Variants in ANKRD6 observed in about 807,000 individuals in gnomAD.
ANKRD6 encodes the protein ankyrin repeat domain-containing protein 6.
ANKRD6 carries 56 observed loss-of-function variants against 82.3 expected under a neutral mutation model. The ratio of observed to expected loss-of-function variants is 0.68; its 90% CI spans 0.55 to 0.85. ANKRD6 has a LOEUF of 0.85. Ranked by LOEUF, ANKRD6 falls within the 40% of genes least tolerant of loss-of-function variation. The probability of loss-of-function intolerance (pLI) is 0.00; values close to 1 mark genes in which losing one functional copy is unlikely to be tolerated. For synonymous variants in ANKRD6, 347 were observed against 352.1 expected (o/e 0.99, Z 0.16); for missense variants, 852 against 907.6 (o/e 0.94, Z 0.79).
chr6:89,494,881 A>C lies in ANKRD6; in HGVS notation c.-144+61506A>C, dbSNP rs541499580. On this transcript the variant is annotated intron_variant, in intron 1 of 15. Transcript: ENST00000339746. Reference sequence around the variant, plus strand: ...CAGAGAGAATTTTAGATCAGTCACTATGTGGGAAGAATAAATTGATTACTG... The same window carrying C: ...CAGAGAGAATTTTAGATCAGTCACTCTGTGGGAAGAATAAATTGATTACTG... Among the ~76,000 whole-genome samples the C allele has an allele frequency of 1.0e-3, 157 of 152,338 alleles. 2 individuals are homozygous for C. The South Asian group carries it at 0.031, about 30-fold the overall frequency.
At chr6:89,627,111 C>CT (rs58369165) in intron 13 of ANKRD6, among the ~76,000 whole-genome samples, 21,638 of 144,540 alleles carry the variant, frequency 0.15, 1,724 homozygotes, top group South Asian at 0.19. Flanking sequence ...GTCTCTCTCT[C>CT]TTTTTTTTTT....
At position 89,447,854 on chromosome 6, in the gene ANKRD6, A is replaced by ATTTTTTTTT. The variant is rs530068070; in HGVS notation, c.-144+14482_-144+14490dup. Reference sequence around the variant, plus strand: ...AGGCATGTGCCACCACGCCCAGCTAATTTTTTTTTTTCAGTAGAGATGGGG... The same window carrying ATTTTTTTTT: ...AGGCATGTGCCACCACGCCCAGCTAATTTTTTTTTTTTTTTTTTTTCAGTAGAGATGGGG... On this transcript the variant is annotated intron_variant, in intron 1 of 15. Coordinates refer to ENST00000339746, the MANE Select transcript of ANKRD6 (RefSeq NM_001242809.2). Among the ~76,000 whole-genome samples the ATTTTTTTTT allele has an allele frequency of 6.7e-3, 795 of 119,004 alleles. 38 individuals are homozygous for ATTTTTTTTT. The highest frequency in any genetic ancestry group is 0.025 in the African/African-American group (728 of 28,752). 78.1% of individuals were successfully genotyped at this position (119,004 alleles called of 152,430 possible).
intron 1 of ANKRD6, among the ~76,000 whole-genome samples, chr6:89,545,249 T>C (rs1446813779): frequency 6.6e-6 from 1 of 151,666 alleles, no homozygotes; most frequent in African/African-American, 2.4e-5. Context: ...AAAGGGCTGT[T>C]TCTACTGGCC....
intron 2 of ANKRD6, among the ~76,000 whole-genome samples, chr6:89,592,362 T>C (rs1167037206): frequency 1.3e-5 from 2 of 152,178 alleles, no homozygotes; most frequent in African/African-American, 2.4e-5. Flanking sequence ...CGTGTCCTTA[T>C]TTCAAGCCTG....
intron 1 of ANKRD6, among the ~76,000 whole-genome samples, chr6:89,486,393 A>G (rs1278651575): frequency 5.9e-5 from 9 of 152,246 alleles, no homozygotes; most frequent in Middle Eastern, 3.4e-3. Flanking sequence ...AGTACACTCT[A>G]TGATGTTCTC....
intron 2 of ANKRD6, among the ~76,000 whole-genome samples, chr6:89,569,385 A>G (rs992711290): frequency 2.0e-5 from 3 of 152,200 alleles, no homozygotes; most frequent in Non-Finnish European, 2.9e-5. Context: ...CACTTAGCAT[A>G]AAGTTTTCAA....
At chr6:89,474,691 A>G (rs920055503) in intron 1 of ANKRD6, among the ~76,000 whole-genome samples, 1 of 152,194 alleles carries the variant, frequency 6.6e-6, no homozygotes, top group Non-Finnish European at 1.5e-5. Flanking sequence ...TGCTGGGATT[A>G]CAGGTGTGAG....
chr6:89,544,483 G>A (rs1784796054), intron 1 of ANKRD6, among the ~76,000 whole-genome samples: 1 of 152,060 alleles, frequency 6.6e-6, no homozygotes, highest in African/African-American at 2.4e-5. Flanking sequence ...TGGAGGCCAA[G>A]GCGGGCAGAT....
chr6:89,623,937 T>C lies in ANKRD6; in HGVS notation c.1098T>C (p.His366=). Reference sequence around the variant, plus strand: ...AGCCTGGACACCAGAAGAACCTGCATGCTCATAATCACCCTAAAAAGAGGA... The same window carrying C: ...AGCCTGGACACCAGAAGAACCTGCACGCTCATAATCACCCTAAAAAGAGGA... ...DQQPGHQKNL[H]AHNHPKKRNR... Residue 366 remains histidine, a synonymous_variant, in exon 12 of 16, where the codon CAT becomes CAC. Transcript: ENST00000339746. 6.2e-7 allele frequency: 1 copy of C among 1,613,898 alleles called. No individual in the cohort carries two copies. Among genetic ancestry groups the C allele is most frequent in the Non-Finnish European group, 8.5e-7 (1 of 1,179,870 alleles).
chr6:89,453,106 T>A (rs1773053261), intron 1 of ANKRD6, among the ~76,000 whole-genome samples: 1 of 152,210 alleles, frequency 6.6e-6, no homozygotes, highest in South Asian at 2.1e-4. Flanking sequence ...CTCCTCCTTG[T>A]TTTCCATCCC....
At chr6:89,510,382 G>GTT (rs558675360) in intron 1 of ANKRD6, among the ~76,000 whole-genome samples, 7 of 141,492 alleles carry the variant, frequency 4.9e-5, no homozygotes, top group African/African-American at 1.0e-4. Context: ...TTTCCAAATA[G>GTT]TTTTTTTTTT....
At chr6:89,545,220 A>G (rs1385545902) in intron 1 of ANKRD6, among the ~76,000 whole-genome samples, 1 of 146,702 alleles carries the variant, frequency 6.8e-6, no homozygotes, top group Non-Finnish European at 1.5e-5. Flanking sequence ...CTCAAAAAAA[A>G]AAAAAAAAAA....
intron 1 of ANKRD6, among the ~76,000 whole-genome samples, chr6:89,530,000 T>C (rs957951826): frequency 6.6e-6 from 1 of 152,138 alleles, no homozygotes; most frequent in Admixed American, 6.5e-5. Context: ...ACGTCTGTAA[T>C]CCTAGCACTT....
chr6:89,617,052 CTT>C (rs1220231097), intron 8 of ANKRD6: 10 of 407,594 alleles, frequency 2.5e-5, no homozygotes, highest in Non-Finnish European at 5.0e-5. Flanking sequence ...ACTCCTTTCT[CTT>C]CCACTTTGCC....
intron 2 of ANKRD6, among the ~76,000 whole-genome samples, chr6:89,594,008 G>A (rs997636343): frequency 1.3e-5 from 2 of 152,200 alleles, no homozygotes; most frequent in African/African-American, 2.4e-5. Context: ...AGAGGAACAC[G>A]CTGTGTTCTG....
intron 5 of ANKRD6, among the ~76,000 whole-genome samples, chr6:89,611,038 C>A (rs1221805591): frequency 6.6e-6 from 1 of 152,040 alleles, no homozygotes; most frequent in Non-Finnish European, 1.5e-5. Context: ...AACCAGCGAG[C>A]CTGCTAGAAC....
At chr6:89,617,910 G>T in intron 8 of ANKRD6, 44 bp from the exon 9 acceptor site, 1 of 1,586,474 alleles carries the variant, frequency 6.3e-7, no homozygotes, top group Non-Finnish European at 8.6e-7. Context: ...GTGCGTGTGG[G>T]ACCCGTGGCC....
chr6:89,455,533 C>T lies in ANKRD6; in HGVS notation c.-144+22158C>T, dbSNP rs552250583. ...ATATCTCATGTGGAATTGTAATCCC[C>T]AATGTTGGAGGTGGGGCTGGGTGGG... On this transcript the variant is annotated intron_variant, in intron 1 of 15. Coordinates refer to ENST00000339746, the MANE Select transcript of ANKRD6 (RefSeq NM_001242809.2). 3.4e-4 allele frequency among the ~76,000 whole-genome samples: 52 copies of T among 152,162 alleles called. No homozygotes were observed. The South Asian group carries it at 0.01, about 30-fold the overall frequency.
chr6:89,528,131 A>T (rs1301738928), intron 1 of ANKRD6, among the ~76,000 whole-genome samples: 2 of 152,222 alleles, frequency 1.3e-5, no homozygotes, highest in Non-Finnish European at 1.5e-5. Flanking sequence ...TTAAAGTCAG[A>T]CGATAGTGAG....
Sources: allele counts gnomAD v4.1 joint callset (sites outside exome capture counted in the v4.1 genomes callset), GRCh38; gene constraint gnomAD v4.1.1; transcripts MANE v1.5; gene names NCBI Gene and HGNC (gene_info 2026-07-23, HGNC 2026-07-21).